MIPEP: variants seen among roughly 807,000 people sequenced by gnomAD.
MIPEP encodes the protein mitochondrial intermediate peptidase.
MIPEP carries 79 observed loss-of-function variants against 90.3 expected under a neutral mutation model. The ratio of observed to expected loss-of-function variants is 0.87; its 90% CI spans 0.73 to 1.05. MIPEP has a LOEUF of 1.05. MIPEP is among the 50% of genes least tolerant of loss of function. MIPEP has a pLI of 0.00. For synonymous variants in MIPEP, 334 were observed against 315.8 expected (o/e 1.06, Z -0.61); for missense variants, 940 against 905.6 (o/e 1.04, Z -0.49).
chr13:23,789,600 C>T lies in MIPEP; in HGVS notation c.1848+16350G>A, dbSNP rs80262974. ...TTCTTAGCTTCAGCACAAAACTGAA[C>T]GGTCATCCTGGCCTCTGCATTACCC... On this transcript the variant is annotated intron_variant, in intron 16 of 18. Coordinates refer to ENST00000382172, the MANE Select transcript of MIPEP (RefSeq NM_005932.4). Among the ~76,000 whole-genome samples the T allele has an allele frequency of 2.4e-3, 366 of 152,308 alleles. 3 individuals carry two copies. Among genetic ancestry groups the T allele is most frequent in the African/African-American group, 8.0e-3 (331 of 41,554 alleles).
intron 15 of MIPEP, among the ~76,000 whole-genome samples, chr13:23,808,887 A>C (rs1953141496): frequency 1.3e-5 from 2 of 152,210 alleles, no homozygotes; most frequent in South Asian, 4.1e-4. Flanking sequence ...TAGGGACTGA[A>C]TTTTACAAAA....
intron 4 of MIPEP, among the ~76,000 whole-genome samples, chr13:23,876,738 AT>A (rs1566026377): frequency 1.3e-5 from 2 of 152,194 alleles, no homozygotes; most frequent in Non-Finnish European, 2.9e-5. Flanking sequence ...AAAGTTTGCA[AT>A]GTTTATATAA....
intron 18 of MIPEP, among the ~76,000 whole-genome samples, chr13:23,731,632 A>ATC (rs1249475297): frequency 6.6e-6 from 1 of 152,230 alleles, no homozygotes; most frequent in African/African-American, 2.4e-5. Flanking sequence ...AAAAAATGTT[A>ATC]GATTTCATCA....
intron 16 of MIPEP, among the ~76,000 whole-genome samples, chr13:23,793,628 G>C (rs906098859): frequency 1.3e-5 from 2 of 151,932 alleles, no homozygotes; most frequent in Non-Finnish European, 2.9e-5. Flanking sequence ...TCAGAAATGA[G>C]CCATGCTGTT....
At chr13:23,833,578 A>G (rs1161699068) in intron 14 of MIPEP, among the ~76,000 whole-genome samples, 2 of 152,240 alleles carry the variant, frequency 1.3e-5, no homozygotes, top group African/African-American at 4.8e-5. Context: ...TAGTAAGAAT[A>G]CAGGCATTGA....
chr13:23,877,596 G>T (rs1871119756), intron 4 of MIPEP, among the ~76,000 whole-genome samples: 1 of 152,170 alleles, frequency 6.6e-6, no homozygotes, highest in Non-Finnish European at 1.5e-5. Context: ...CTTACTGACT[G>T]AAGGAACCAT....
chr13:23,742,865 G>T (rs1375891633), intron 18 of MIPEP, among the ~76,000 whole-genome samples: 1 of 152,210 alleles, frequency 6.6e-6, no homozygotes, highest in Non-Finnish European at 1.5e-5. Flanking sequence ...TTCTGAAAAT[G>T]GATACTGGTG....
At chr13:23,882,801 C>T (rs187415560) in intron 2 of MIPEP, among the ~76,000 whole-genome samples, 13 of 151,656 alleles carry the variant, frequency 8.6e-5, no homozygotes, top group Non-Finnish European at 7.4e-5. Flanking sequence ...CAATTGGTAA[C>T]GATAAAATAA....
At chr13:23,841,277 C>G in intron 11 of MIPEP, 58 bp downstream of exon 11, 2 of 1,516,484 alleles carry the variant, frequency 1.3e-6, no homozygotes, top group Non-Finnish European at 8.9e-7. Flanking sequence ...GCTGTTGACT[C>G]AACTGCCCAA....
Position 23,889,176 on chromosome 13 carries a change from CATT to C in MIPEP, c.142_144del (p.Asn48del). On this transcript the variant is annotated inframe_deletion, in exon 1 of 19. Coordinates refer to ENST00000382172, the MANE Select transcript of MIPEP (RefSeq NM_005932.4). ...TCCAAGCGGCTGCCCTGGGGCTTGACATTGAAGGCGGCGCCCACGGGAGACCAG... is the reference window on the plus strand; with the variant it reads ...TCCAAGCGGCTGCCCTGGGGCTTGACGAAGGCGGCGCCCACGGGAGACCAG... 1.4e-6 allele frequency: 2 copies of C among 1,466,922 alleles called. No individual in the cohort carries two copies. The highest frequency in any genetic ancestry group is 1.8e-6 in the Non-Finnish European group (2 of 1,110,958). 90.9% of individuals were successfully genotyped at this position (1,466,922 alleles called of 1,614,324 possible). A position where few individuals can be genotyped will look rare whatever the true frequency, so the allele number is the denominator to read the frequency against.
rs142689875 is a variant in MIPEP, at chr13:23,838,823, T to C, written c.1338+826A>G. Among the ~76,000 whole-genome samples, 6 of 152,252 alleles carry C rather than the reference T, an allele frequency of 3.9e-5. No homozygotes were observed. The East Asian group carries it at 1.2e-3, about 29-fold the overall frequency. On this transcript the variant is annotated intron_variant, in intron 12 of 18. Coordinates refer to ENST00000382172, the MANE Select transcript of MIPEP (RefSeq NM_005932.4). ...GGTGACCTGCACCCTGTTCCTACCT[T>C]TCACACCTACTAGACAAATCATCTC...
intron 14 of MIPEP, among the ~76,000 whole-genome samples, chr13:23,827,461 C>G (rs1868521543): frequency 6.6e-6 from 1 of 151,912 alleles, no homozygotes; most frequent in Admixed American, 6.6e-5. Context: ...AACAACAGAC[C>G]CTGAATGGTT....
rs372296010 is a variant in MIPEP at position 23,881,798 on chromosome 13, G to A, written c.364-11C>T. The A allele has an allele frequency of 1.9e-6, 3 of 1,607,034 alleles. No homozygotes were observed. Among genetic ancestry groups the A allele is most frequent in the Non-Finnish European group, 2.6e-6 (3 of 1,174,492 alleles). Reference sequence around the variant, plus strand: ...TTTCACAAAATCAGCCTAATAAAGGGGAAAGACAAAACCAAAAGGGAATTT... The same window carrying A: ...TTTCACAAAATCAGCCTAATAAAGGAGAAAGACAAAACCAAAAGGGAATTT... On this transcript the variant is annotated splice_polypyrimidine_tract_variant and intron_variant, in intron 2 of 18. Transcript: ENST00000382172.
intron 14 of MIPEP, among the ~76,000 whole-genome samples, chr13:23,826,355 C>T (rs144080502): frequency 1.2e-3 from 178 of 152,072 alleles, no homozygotes; most frequent in African/African-American, 3.8e-3. Context: ...ACCGCAGACC[C>T]AACAATTATA....
chr13:23,782,119 C>T (rs1952789113), intron 16 of MIPEP, among the ~76,000 whole-genome samples: 1 of 152,226 alleles, frequency 6.6e-6, no homozygotes, highest in African/African-American at 2.4e-5. Flanking sequence ...TAGACACCTA[C>T]AGAACTCTCC....
At chr13:23,838,577 C>G (rs1261693800) in intron 12 of MIPEP, among the ~76,000 whole-genome samples, 1 of 152,162 alleles carries the variant, frequency 6.6e-6, no homozygotes, top group Non-Finnish European at 1.5e-5. Flanking sequence ...ACTTATTCTC[C>G]ACAACAACCC....
intron 8 of MIPEP, among the ~76,000 whole-genome samples, chr13:23,862,875 G>A (rs1870372504): frequency 1.3e-5 from 2 of 152,136 alleles, no homozygotes; most frequent in Admixed American, 1.3e-4. Flanking sequence ...AAATGATGAA[G>A]CTATGCTTGC....
intron 16 of MIPEP, among the ~76,000 whole-genome samples, chr13:23,761,846 C>T (rs1952548125): frequency 1.3e-5 from 2 of 152,194 alleles, no homozygotes; most frequent in Admixed American, 1.3e-4. Flanking sequence ...AAGCTTGGGC[C>T]GGGCACAGTG....
rs774828634 is a variant in MIPEP at position 23,869,364 on chromosome 13, G to C, written c.871C>G (p.Leu291Val). The C allele has an allele frequency of 5.6e-6, 9 of 1,613,606 alleles. No homozygotes were observed. Among genetic ancestry groups the C allele is most frequent in the Non-Finnish European group, 7.6e-6 (9 of 1,179,888 alleles). Residue 291 changes from leucine to valine, a missense_variant, in exon 7 of 19, where the codon CTT becomes GTT. Coordinates refer to ENST00000382172, the MANE Select transcript of MIPEP (RefSeq NM_005932.4). ...CLEELLSSRD[L>V]LAKLVGYSTF... ...GAATACCCCACCAACTTTGCCAGAA[G>C]ATCTCTGCTGCTGAGCAATTCTTCT...
Sources: gnomAD v4.1 joint callset for allele counts (sites outside exome capture counted in the v4.1 genomes callset) on GRCh38, gnomAD v4.1.1 for gene constraint, MANE v1.5 for transcripts, NCBI Gene and HGNC (gene_info 2026-07-23, HGNC 2026-07-21) for gene names.